The following AGBL4 variants were observed in gnomAD, a reference collection of about 807,000 sequenced individuals.
AGBL4 encodes AGBL carboxypeptidase 4, also known as cytosolic carboxypeptidase 6.
In AGBL4, 58 loss-of-function variants were observed where a neutral mutation model predicts 66.4. That is an observed-to-expected ratio of 0.87 (90% confidence interval 0.71 to 1.09). AGBL4 has a LOEUF of 1.09. Ranked by LOEUF, AGBL4 falls within the 50% of genes least tolerant of loss-of-function variation. The probability of loss-of-function intolerance (pLI) is 0.00; values close to 1 mark genes in which losing one functional copy is unlikely to be tolerated. For missense variants in AGBL4, 579 were observed against 631.0 expected, an observed-to-expected ratio of 0.92 and a Z score of 0.88; for synonymous variants, 234 against 222.9, an observed-to-expected ratio of 1.05 and a Z score of -0.44.
At chr1:49,864,082 T>TA (rs920593378) in intron 1 of AGBL4, among the ~76,000 whole-genome samples, 2 of 151,814 alleles carry the variant, frequency 1.3e-5, no homozygotes, top group Admixed American at 6.6e-5. Flanking sequence ...TTATCAGCCA[T>TA]AAAAAAAATG....
chr1:49,742,266 CAG>C (rs1650571190), intron 2 of AGBL4, among the ~76,000 whole-genome samples: 1 of 150,418 alleles, frequency 6.6e-6, no homozygotes, highest in Non-Finnish European at 1.5e-5. Context: ...AACAGACAAA[CAG>C]AGAGCCAAAT....
intron 1 of AGBL4, among the ~76,000 whole-genome samples, chr1:49,862,279 A>G (rs1646591710): frequency 6.6e-6 from 1 of 151,970 alleles, no homozygotes; most frequent in African/African-American, 2.4e-5. Context: ...GGGTTCTTCA[A>G]TAGCAGAACT....
intron 4 of AGBL4, among the ~76,000 whole-genome samples, chr1:49,240,463 A>G (rs908502115): frequency 6.6e-6 from 1 of 151,644 alleles, no homozygotes; most frequent in Non-Finnish European, 1.5e-5. Context: ...TGCTTTAATT[A>G]TCTTTGACCT....
chr1:49,448,295 C>A (rs963490524), intron 3 of AGBL4, among the ~76,000 whole-genome samples: 1 of 152,120 alleles, frequency 6.6e-6, no homozygotes, highest in Admixed American at 6.6e-5. Flanking sequence ...CCTAAAAACT[C>A]TCTCTCTCCC....
chr1:48,967,981 T>TG (rs765361083), intron 5 of AGBL4, among the ~76,000 whole-genome samples: 65 of 152,258 alleles, frequency 4.3e-4, no homozygotes, highest in Admixed American at 1.6e-3. Flanking sequence ...TGTTTTGTTT[T>TG]GGGGGTTTCT....
At chr1:49,907,980 A>T (rs76547293) in intron 1 of AGBL4, among the ~76,000 whole-genome samples, 10 of 151,394 alleles carry the variant, frequency 6.6e-5, no homozygotes, top group East Asian at 1.9e-4. Context: ...GTCTTTAATT[A>T]AAAAAAAAGA....
At chr1:49,769,535 C>T (rs1244341286) in intron 2 of AGBL4, among the ~76,000 whole-genome samples, 1 of 152,052 alleles carries the variant, frequency 6.6e-6, no homozygotes, top group Non-Finnish European at 1.5e-5. Flanking sequence ...AAGAAAGAGC[C>T]AGGGCAGAAC....
At chr1:48,669,301 C>A (rs773721161) in intron 6 of AGBL4, among the ~76,000 whole-genome samples, 2 of 152,174 alleles carry the variant, frequency 1.3e-5, no homozygotes, top group African/African-American at 2.4e-5. Context: ...TAGCAGGTGC[C>A]ATTTACTGAG....
chr1:49,442,402 G>C (rs1646054749), intron 3 of AGBL4, among the ~76,000 whole-genome samples: 1 of 152,136 alleles, frequency 6.6e-6, no homozygotes, highest in Non-Finnish European at 1.5e-5. Flanking sequence ...GGGATTCTTG[G>C]AATTTATGAA....
At chr1:49,674,379 C>T (rs1017036698) in intron 3 of AGBL4, among the ~76,000 whole-genome samples, 1 of 151,856 alleles carries the variant, frequency 6.6e-6, no homozygotes, top group Non-Finnish European at 1.5e-5. Context: ...ACCTCCTCTA[C>T]AAGAGTGAGT....
chr1:49,951,379 A>G (rs1656145522), intron 1 of AGBL4, among the ~76,000 whole-genome samples: 1 of 151,906 alleles, frequency 6.6e-6, no homozygotes, highest in Non-Finnish European at 1.5e-5. Flanking sequence ...AACAAGAACT[A>G]TTAACCATTA....
chr1:49,542,563 A>C (rs1652133245), intron 3 of AGBL4, among the ~76,000 whole-genome samples: 1 of 152,124 alleles, frequency 6.6e-6, no homozygotes, highest in African/African-American at 2.4e-5. Context: ...TTTGGATCAC[A>C]ATGAACCCTC....
At chr1:49,764,005 G>A (rs966245486) in intron 2 of AGBL4, among the ~76,000 whole-genome samples, 4 of 152,088 alleles carry the variant, frequency 2.6e-5, no homozygotes, top group South Asian at 2.1e-4. Context: ...CCTGGCCAGC[G>A]CAGGCAGTCA....
intron 3 of AGBL4, among the ~76,000 whole-genome samples, chr1:49,329,222 G>A (rs1413140514): frequency 1.3e-5 from 2 of 152,032 alleles, no homozygotes; most frequent in Non-Finnish European, 2.9e-5. Flanking sequence ...CATGAGAATC[G>A]CTTAAACCTG....
chr1:49,076,387 C>T (rs1644710702), intron 4 of AGBL4, among the ~76,000 whole-genome samples: 1 of 152,006 alleles, frequency 6.6e-6, no homozygotes, highest in Admixed American at 6.6e-5. Context: ...GAAATTTGTA[C>T]TTATTGTTGT....
intron 3 of AGBL4, among the ~76,000 whole-genome samples, chr1:49,650,090 C>G (rs1036125103): frequency 3.3e-5 from 5 of 152,098 alleles, no homozygotes; most frequent in African/African-American, 1.2e-4. Context: ...ATATTTGAAT[C>G]CAAAGTAAGC....
At chr1:49,466,937 A>T (rs994058783) in intron 3 of AGBL4, among the ~76,000 whole-genome samples, 1 of 151,856 alleles carries the variant, frequency 6.6e-6, no homozygotes, top group Non-Finnish European at 1.5e-5. Flanking sequence ...TGGCAAGATA[A>T]TTCTAAGAGA....
intron 2 of AGBL4, among the ~76,000 whole-genome samples, chr1:49,713,732 C>G (rs1647851965): frequency 6.6e-6 from 1 of 151,912 alleles, no homozygotes; most frequent in African/African-American, 2.4e-5. Flanking sequence ...TTTGCAGAAA[C>G]TAAAAAGGAA....
chr1:49,602,821 C>CAATA (rs146769913), intron 3 of AGBL4, among the ~76,000 whole-genome samples: 6,477 of 144,050 alleles, frequency 0.045, 164 homozygotes, highest in Middle Eastern at 0.092. Flanking sequence ...ACTTAAAGTA[C>CAATA]AATAAATAAA....
Sources: allele counts gnomAD v4.1 joint callset (sites outside exome capture counted in the v4.1 genomes callset), GRCh38; gene constraint gnomAD v4.1.1; transcripts MANE v1.5; gene names NCBI Gene and HGNC (gene_info 2026-07-23, HGNC 2026-07-21).